PTPRD: variants seen among roughly 807,000 people sequenced by gnomAD.
The protein encoded by PTPRD is receptor-type tyrosine-protein phosphatase delta.
Under a neutral mutation model 214.5 loss-of-function variants are expected in PTPRD, and 34 were observed. The ratio of observed to expected loss-of-function variants is 0.16; its 90% CI spans 0.12 to 0.21. PTPRD has a LOEUF of 0.21. PTPRD is among the 10% of genes least tolerant of loss of function. The pLI, the probability that PTPRD is intolerant of heterozygous loss-of-function variation, is 1.00. For synonymous variants in PTPRD, 1,128 were observed against 845.7 expected (o/e 1.33, Z -5.79); for missense variants, 2,545 against 2,398.7 (o/e 1.06, Z -1.27).
At chr9:9,082,911 C>T (rs183265250) in intron 10 of PTPRD, among the ~76,000 whole-genome samples, 35 of 152,208 alleles carry the variant, frequency 2.3e-4, no homozygotes, top group East Asian at 9.6e-4. Flanking sequence ...AGGATACAAA[C>T]GAATGGAAAA....
intron 2 of PTPRD, among the ~76,000 whole-genome samples, chr9:10,380,983 G>C (rs1218176514): frequency 6.6e-6 from 1 of 151,668 alleles, no homozygotes; most frequent in Non-Finnish European, 1.5e-5. Context: ...TTGACATATG[G>C]TAGTGATATT....
At chr9:9,546,358 T>A (rs2078811602) in intron 8 of PTPRD, among the ~76,000 whole-genome samples, 1 of 151,848 alleles carries the variant, frequency 6.6e-6, no homozygotes, top group African/African-American at 2.4e-5. Context: ...CTAGAACTTA[T>A]GCAATTTTTA....
At chr9:9,064,146 A>G (rs1450448784) in intron 10 of PTPRD, among the ~76,000 whole-genome samples, 1 of 152,190 alleles carries the variant, frequency 6.6e-6, no homozygotes, top group Non-Finnish European at 1.5e-5. Flanking sequence ...ACTGAGCTTT[A>G]CAAAACTTAA....
intron 14 of PTPRD, among the ~76,000 whole-genome samples, chr9:8,613,401 A>T (rs1170072418): frequency 6.6e-6 from 1 of 152,196 alleles, no homozygotes; most frequent in Non-Finnish European, 1.5e-5. Flanking sequence ...CCTTCTGGGA[A>T]ACAGAGCACT....
chr9:10,596,181 G>A (rs112244103), intron 2 of PTPRD, among the ~76,000 whole-genome samples: 2,394 of 151,772 alleles, frequency 0.016, 26 homozygotes, highest in Middle Eastern at 0.041. Context: ...ACTGTCTCAC[G>A]TTCAGTAATC....
chr9:9,047,608 A>C (rs1590471530), intron 10 of PTPRD, among the ~76,000 whole-genome samples: 1 of 152,132 alleles, frequency 6.6e-6, no homozygotes. Context: ...CCTACAGTGA[A>C]CTCATTTTTG....
chr9:8,344,594 C>G (rs1004925569), intron 39 of PTPRD, among the ~76,000 whole-genome samples: 5 of 151,986 alleles, frequency 3.3e-5, no homozygotes, highest in Non-Finnish European at 5.9e-5. Flanking sequence ...TTGTTAACTG[C>G]CCAATCCTGC....
chr9:8,780,755 G>A (rs79979283), intron 11 of PTPRD, among the ~76,000 whole-genome samples: 16,411 of 152,190 alleles, frequency 0.11, 964 homozygotes, highest in Non-Finnish European at 0.13. Context: ...AAATCCTGAG[G>A]TAAGTAAAGA....
intron 43 of PTPRD, 136 bp from the exon 44 acceptor site, chr9:8,331,872 A>AGAAACTTAGT: frequency 9.8e-7 from 1 of 1,024,692 alleles, no homozygotes; most frequent in Non-Finnish European, 1.4e-6. Flanking sequence ...ATGTTTAAAT[A>AGAAACTTAGT]GAAACTTAGT....
chr9:8,438,238 T>C (rs962462549), intron 34 of PTPRD, among the ~76,000 whole-genome samples: 1 of 152,184 alleles, frequency 6.6e-6, no homozygotes, highest in Non-Finnish European at 1.5e-5. Context: ...AAATGCCAAA[T>C]TATTAATGGT....
intron 11 of PTPRD, among the ~76,000 whole-genome samples, chr9:8,849,508 G>T (rs993832430): frequency 1.3e-5 from 2 of 152,150 alleles, no homozygotes; most frequent in Admixed American, 1.3e-4. Context: ...TTACAGGCGT[G>T]AGCCACCGCG....
Position 9,411,409 on chromosome 9 carries a change from C to G in PTPRD, c.-236-13927G>C, listed in dbSNP as rs188726913. Among the ~76,000 whole-genome samples, 6 of 152,142 alleles carry G rather than the reference C, an allele frequency of 3.9e-5. No homozygotes were observed. The East Asian group carries it at 1.2e-3, about 29-fold the overall frequency. On this transcript the variant is annotated intron_variant, in intron 8 of 45. Transcript: ENST00000381196. ...TTTTCTTCTCAATTGTAAGCATTTT[C>G]TGTGGGTTTGTGTGGAAATAGTGCC...
intron 7 of PTPRD, among the ~76,000 whole-genome samples, chr9:9,629,146 C>G (rs1287239202): frequency 6.6e-6 from 1 of 150,710 alleles, no homozygotes; most frequent in Non-Finnish European, 1.5e-5. Flanking sequence ...TGCACTCCAG[C>G]CTGGGTGACA....
chr9:10,094,750 T>C (rs1385847734), intron 3 of PTPRD, among the ~76,000 whole-genome samples: 1 of 151,346 alleles, frequency 6.6e-6, no homozygotes, highest in Non-Finnish European at 1.5e-5. Context: ...CATGGCAAAA[T>C]ACTGCTGTGA....
chr9:8,455,273 G>C (rs2096144054), intron 33 of PTPRD, among the ~76,000 whole-genome samples: 1 of 152,098 alleles, frequency 6.6e-6, no homozygotes, highest in South Asian at 2.1e-4. Flanking sequence ...ATACAGTTGG[G>C]CTAATCCAGA....
At chr9:8,698,332 A>G (rs559923707) in intron 12 of PTPRD, among the ~76,000 whole-genome samples, 1 of 152,334 alleles carries the variant, frequency 6.6e-6, no homozygotes, top group East Asian at 1.9e-4. Flanking sequence ...ATCAAGAATC[A>G]AGGACAGCGA....
chr9:9,527,572 C>G (rs1215221570), intron 8 of PTPRD, among the ~76,000 whole-genome samples: 1 of 152,134 alleles, frequency 6.6e-6, no homozygotes, highest in African/African-American at 2.4e-5. Flanking sequence ...AGGATGACTC[C>G]AAATTTCTTA....
chr9:9,058,776 G>T (rs1454077883), intron 10 of PTPRD, among the ~76,000 whole-genome samples: 3 of 152,044 alleles, frequency 2.0e-5, no homozygotes, highest in African/African-American at 4.8e-5. Flanking sequence ...CAAAGGAAAA[G>T]AAAATCTTAA....
intron 3 of PTPRD, among the ~76,000 whole-genome samples, chr9:10,334,788 T>A (rs1297297341): frequency 6.6e-6 from 1 of 151,608 alleles, no homozygotes; most frequent in African/African-American, 2.4e-5. Context: ...ATCACTGTCT[T>A]AACCACCAGC....
Sources: allele counts gnomAD v4.1 joint callset (sites outside exome capture counted in the v4.1 genomes callset), GRCh38; gene constraint gnomAD v4.1.1; transcripts MANE v1.5; gene names NCBI Gene and HGNC (gene_info 2026-07-23, HGNC 2026-07-21).